Variants in BLTP2 observed in about 807,000 individuals in gnomAD.
The protein encoded by BLTP2 is bridge-like lipid transfer protein family member 2.
chr17:28,623,575 CCAT>C, the BLTP2 span, among the ~76,000 whole-genome samples: 7 of 115,552 alleles, frequency 6.1e-5, no homozygotes, highest in Admixed American at 2.4e-4. Flanking sequence ...AAATAGAACA[CCAT>C]GAGGAAAAAA....
chr17:28,616,529 C>T, the BLTP2 span: 8 of 1,614,152 alleles, frequency 5.0e-6, no homozygotes, highest in Non-Finnish European at 6.8e-6. The surrounding 1 kb of genome is among the most constrained non-coding windows in gnomAD (Gnocchi z 4.8). Context: ...AGCAAGTGTA[C>T]CAGCTGTCAT....
the BLTP2 span, chr17:28,637,121 C>T: frequency 1.2e-6 from 2 of 1,614,200 alleles, no homozygotes; most frequent in South Asian, 1.1e-5. Context: ...CAGTGGACGT[C>T]TCTGCACTGC....
At chr17:28,637,558 G>C in the BLTP2 span, among the ~76,000 whole-genome samples, 1 of 152,086 alleles carries the variant, frequency 6.6e-6, no homozygotes, top group Non-Finnish European at 1.5e-5. Context: ...CAAGCATCTC[G>C]TGCCTCTAAT....
At chr17:28,639,048 CTTATCAT>C in the BLTP2 span, 2 of 500,772 alleles carry the variant, frequency 4.0e-6, no homozygotes, top group African/African-American at 1.9e-5. Flanking sequence ...AAAGACATTC[CTTATCAT>C]TTAAGTTCAG....
the BLTP2 span, chr17:28,642,350 A>G: frequency 6.2e-7 from 1 of 1,613,976 alleles, no homozygotes; most frequent in Non-Finnish European, 8.5e-7. Flanking sequence ...GAAAGGAAAA[A>G]AATTAAGAGC....
the BLTP2 span, chr17:28,643,914 C>G: frequency 3.5e-6 from 4 of 1,138,278 alleles, no homozygotes; most frequent in Non-Finnish European, 5.1e-6. Flanking sequence ...CCAACTAGCT[C>G]TAAGATCATC....
At chr17:28,638,165 C>T in the BLTP2 span, 2 of 1,592,678 alleles carry the variant, frequency 1.3e-6, no homozygotes, top group South Asian at 1.1e-5. Context: ...TAATGCACTT[C>T]CTGCTGCATT....
the BLTP2 span, chr17:28,639,823 G>A: frequency 1.3e-6 from 2 of 1,555,394 alleles, no homozygotes; most frequent in Non-Finnish European, 1.8e-6. Context: ...TTAGATTAAG[G>A]AGACCATATG....
the BLTP2 span, chr17:28,615,016 G>A: frequency 1.3e-6 from 2 of 1,554,588 alleles, no homozygotes; most frequent in Admixed American, 3.7e-5. Context: ...AGTCCCTGGA[G>A]CCTGAGCCAG....
the BLTP2 span, chr17:28,633,248 C>G: frequency 1.9e-6 from 3 of 1,600,370 alleles, no homozygotes; most frequent in Non-Finnish European, 2.6e-6. Context: ...CTGAGCCCCT[C>G]ATCCCATGGA....
At chr17:28,617,249 G>A in the BLTP2 span, 1 of 1,613,952 alleles carries the variant, frequency 6.2e-7, no homozygotes, top group East Asian at 2.2e-5. Context: ...ACAGCATTGG[G>A]GAGGAGGTTG....
chr17:28,634,627 A>G, the BLTP2 span: 1 of 1,614,210 alleles, frequency 6.2e-7, no homozygotes, highest in South Asian at 1.1e-5. Flanking sequence ...CTGTTCTACC[A>G]CATGCTCAGG....
chr17:28,615,979 G>T, the BLTP2 span: 1 of 1,035,028 alleles, frequency 9.7e-7, no homozygotes, highest in Non-Finnish European at 1.5e-6. Flanking sequence ...GGGAACAGCA[G>T]ATTTATCACC....
At chr17:28,634,960 T>C in the BLTP2 span, 2 of 1,613,560 alleles carry the variant, frequency 1.2e-6, no homozygotes, top group African/African-American at 2.7e-5. Flanking sequence ...CCATGAGAAG[T>C]GCTCAACCTT....
the BLTP2 span, chr17:28,618,973 T>C: frequency 6.2e-7 from 1 of 1,612,152 alleles, no homozygotes; most frequent in Non-Finnish European, 8.5e-7. Context: ...TTAAAACACC[T>C]GTAAGTGGAC....
the BLTP2 span, chr17:28,640,566 T>A: frequency 6.2e-7 from 1 of 1,614,156 alleles, no homozygotes; most frequent in East Asian, 2.2e-5. Context: ...TCACCTCTTT[T>A]GACTATTCAT....
chr17:28,624,151 A>G, the BLTP2 span: 1 of 1,500,382 alleles, frequency 6.7e-7, no homozygotes, highest in Non-Finnish European at 9.1e-7. Context: ...CTATTCACCC[A>G]TTCATATTTA....
chr17:28,639,267 C>T, the BLTP2 span: 1 of 1,604,898 alleles, frequency 6.2e-7, no homozygotes, highest in South Asian at 1.1e-5. Context: ...CAAAAGAATC[C>T]CAGAGAATCC....
At chr17:28,636,844 G>A in the BLTP2 span, 1 of 801,488 alleles carries the variant, frequency 1.2e-6, no homozygotes, top group East Asian at 2.7e-5. Flanking sequence ...TTTAAGACCA[G>A]TCTGGGCAAC....
Sources: gnomAD v4.1 joint callset for allele counts (sites outside exome capture counted in the v4.1 genomes callset) on GRCh38, gnomAD v4.1.1 for gene constraint, Gnocchi (gnomAD v3.1) non-coding constraint, MANE v1.5 for transcripts, NCBI Gene and HGNC (gene_info 2026-07-23, HGNC 2026-07-21) for gene names.